Variants in FRMD6 observed in about 807,000 individuals in gnomAD.
FRMD6 encodes FERM domain-containing protein 6.
A neutral mutation model predicts 73.2 loss-of-function variants in FRMD6; 37 were observed. That is an observed-to-expected ratio of 0.51 (90% CI 0.39 to 0.66). The LOEUF is 0.66. Among genes scored for constraint, FRMD6 ranks in the 30% least tolerant of loss-of-function variants. The probability of loss-of-function intolerance (pLI) is 0.00; values close to 1 mark genes in which losing one functional copy is unlikely to be tolerated. For synonymous variants in FRMD6, 273 were observed against 282.2 expected (o/e 0.97, Z 0.33); for missense variants, 714 against 780.5 (o/e 0.91, Z 1.02).
intron 1 of FRMD6, among the ~76,000 whole-genome samples, chr14:51,500,637 G>A (rs1883564252): frequency 6.6e-6 from 1 of 152,142 alleles, no homozygotes; most frequent in Non-Finnish European, 1.5e-5. Flanking sequence ...ATTAGTTTTT[G>A]TATGTGTGGA....
intron 2 of FRMD6, among the ~76,000 whole-genome samples, chr14:51,589,898 G>C (rs766736878): frequency 6.6e-6 from 1 of 151,986 alleles, no homozygotes; most frequent in Non-Finnish European, 1.5e-5. Context: ...GGGAAACCCC[G>C]TCCTACTAAA....
chr14:51,727,821 ACTTC>A lies in FRMD6; in HGVS notation c.1664_1667del (p.Phe555CysfsTer102). On this transcript the variant is annotated frameshift_variant, in exon 14 of 14. Transcript: ENST00000344768. LOFTEE classifies it high-confidence loss of function. The stretch of plus-strand genomic sequence containing the variant: ...GATGACATCAGACTTTACCAGAAAG[ACTTC>A]CTGCGCATTGCAGGTCTGTGTCAGG... 1 of 1,614,106 alleles carries A rather than the reference ACTTC, an allele frequency of 6.2e-7. No individual in the cohort carries two copies. Among genetic ancestry groups the A allele is most frequent in the Non-Finnish European group, 8.5e-7 (1 of 1,179,946 alleles).
At chr14:51,548,861 T>A (rs2139419410) in intron 1 of FRMD6, among the ~76,000 whole-genome samples, 1 of 152,306 alleles carries the variant, frequency 6.6e-6, no homozygotes, top group South Asian at 2.1e-4. Flanking sequence ...CAGCATCACC[T>A]GGGAGCTAAT....
At position 51,727,895 on chromosome 14, in the gene FRMD6, G is replaced by A; in HGVS notation, c.1735G>A (p.Glu579Lys). Residue 579 changes from glutamate to lysine, a missense_variant, in exon 14 of 14, where the codon GAG (glutamate) becomes AAG (lysine). Coordinates refer to ENST00000344768, the MANE Select transcript of FRMD6 (RefSeq NM_001267046.2). ...YTFGCGHELDEEGLYCNSCLA... is the reference protein window; with the variant it reads ...YTFGCGHELDKEGLYCNSCLA... Reference sequence around the variant, plus strand: ...CTTTGGATGTGGCCATGAACTGGATGAGGAAGGCCTCTATTGCAACAGTTG... The same window carrying A: ...CTTTGGATGTGGCCATGAACTGGATAAGGAAGGCCTCTATTGCAACAGTTG... The A allele has an allele frequency of 6.2e-7, 1 of 1,614,244 alleles. No individual in the cohort carries two copies. The highest frequency in any genetic ancestry group is 8.5e-7 in the Non-Finnish European group (1 of 1,180,040).
chr14:51,714,805 C>T (rs1386197055), intron 9 of FRMD6: 1 of 152,150 alleles, frequency 6.6e-6, no homozygotes, highest in Non-Finnish European at 1.5e-5. Context: ...TTTGCCATTT[C>T]TCCTGCTGGG....
chr14:51,725,403 TG>T (rs1295120038), intron 12 of FRMD6, among the ~76,000 whole-genome samples: 1 of 152,218 alleles, frequency 6.6e-6, no homozygotes, highest in Non-Finnish European at 1.5e-5. Flanking sequence ...TTAAGTTTAA[TG>T]TTGCTGCTGA....
intron 1 of FRMD6, among the ~76,000 whole-genome samples, chr14:51,655,978 T>C (rs1313027842): frequency 1.3e-5 from 2 of 152,226 alleles, no homozygotes; most frequent in East Asian, 1.9e-4. Flanking sequence ...TCTACAAATA[T>C]TTAATTAGTC....
chr14:51,720,838 C>T (rs975432024), intron 11 of FRMD6, among the ~76,000 whole-genome samples: 1 of 152,112 alleles, frequency 6.6e-6, no homozygotes, highest in African/African-American at 2.4e-5. Flanking sequence ...GAAGCGCCTC[C>T]CATGTAACCA....
intron 1 of FRMD6, among the ~76,000 whole-genome samples, chr14:51,526,110 G>A (rs546591363): frequency 1.3e-5 from 2 of 152,100 alleles, no homozygotes; most frequent in Non-Finnish European, 2.9e-5. Context: ...ACAAGTCCTC[G>A]CCCAGGGCTG....
chr14:51,518,729 T>C (rs1295541281), intron 1 of FRMD6, among the ~76,000 whole-genome samples: 1 of 152,232 alleles, frequency 6.6e-6, no homozygotes, highest in Admixed American at 6.5e-5. Context: ...GTCAAAACGA[T>C]ACAAGCCTTA....
At chr14:51,613,039 G>T (rs2139875709) in intron 2 of FRMD6, among the ~76,000 whole-genome samples, 1 of 152,258 alleles carries the variant, frequency 6.6e-6, no homozygotes. Context: ...TGGTGTGACT[G>T]GAAAGTATAT....
intron 10 of FRMD6, among the ~76,000 whole-genome samples, chr14:51,718,807 C>T (rs1286442208): frequency 6.6e-6 from 1 of 152,146 alleles, no homozygotes; most frequent in Non-Finnish European, 1.5e-5. Context: ...TAGCCTTCTC[C>T]AAGCATTTTT....
At chr14:51,712,792 T>C (rs749097240) in intron 9 of FRMD6, among the ~76,000 whole-genome samples, 13 of 152,230 alleles carry the variant, frequency 8.5e-5, no homozygotes, top group Non-Finnish European at 1.6e-4. Context: ...AAGACTCTTA[T>C]AGCAAAAGAA....
intron 2 of FRMD6, among the ~76,000 whole-genome samples, chr14:51,625,987 G>A (rs1241445983): frequency 6.6e-6 from 1 of 152,154 alleles, no homozygotes; most frequent in Non-Finnish European, 1.5e-5. Context: ...TGTAGTAGAC[G>A]CTCAATAAAT....
At chr14:51,651,468 C>T (rs1003906713), upstream of FRMD6, 1 of 152,280 alleles carries the variant, frequency 6.6e-6, no homozygotes, top group Admixed American at 6.5e-5. Flanking sequence ...GAGGGAGCGC[C>T]CCGAGGGAGT....
rs1008053443 is a variant in FRMD6 at position 51,567,607 on chromosome 14, T to A, written c.-209-2741T>A. On this transcript the variant is annotated intron_variant, in intron 1 of 14. Coordinates refer to the FRMD6 transcript ENST00000356218. ...CTCCTGTCTTGGCCTCCCAAAGTGGTAGGATTACAGATATGAGCCACTATG... is the reference window on the plus strand; with the variant it reads ...CTCCTGTCTTGGCCTCCCAAAGTGGAAGGATTACAGATATGAGCCACTATG... Among the ~76,000 whole-genome samples the A allele has an allele frequency of 4.9e-4, 75 of 152,210 alleles. 2 individuals carry two copies. Among genetic ancestry groups the A allele is most frequent in the Non-Finnish European group, 8.8e-5 (6 of 68,042 alleles).
chr14:51,510,532 C>G (rs931255635), intron 1 of FRMD6, among the ~76,000 whole-genome samples: 2 of 152,088 alleles, frequency 1.3e-5, no homozygotes, highest in African/African-American at 2.4e-5. Flanking sequence ...TGTTCTAACC[C>G]GTGACTTCAC....
chr14:51,687,225 T>G (rs1895227774), intron 1 of FRMD6, among the ~76,000 whole-genome samples: 1 of 152,190 alleles, frequency 6.6e-6, no homozygotes, highest in Non-Finnish European at 1.5e-5. Context: ...TTCTGGAAAG[T>G]AGGTCAGTAG....
chr14:51,688,248 A>G (rs1183676304), intron 1 of FRMD6, among the ~76,000 whole-genome samples: 1 of 152,186 alleles, frequency 6.6e-6, no homozygotes, highest in Non-Finnish European at 1.5e-5. Context: ...TGTACTGGCT[A>G]TAACCTAACA....
Sources: gnomAD v4.1 joint callset for allele counts (sites outside exome capture counted in the v4.1 genomes callset) on GRCh38, gnomAD v4.1.1 for gene constraint, MANE v1.5 for transcripts, NCBI Gene and HGNC (gene_info 2026-07-23, HGNC 2026-07-21) for gene names.